LPAR3: variants seen among roughly 807,000 people sequenced by gnomAD.
The protein encoded by LPAR3 is LPA receptor 3.
Under a neutral mutation model 17.8 loss-of-function variants are expected in LPAR3, and 7 were observed. The observed-to-expected ratio is 0.39, with a 90% CI of 0.22 to 0.74. The LOEUF (loss-of-function observed/expected upper bound fraction) is 0.74. LPAR3 is among the 30% of genes least tolerant of loss of function. The pLI, the probability that LPAR3 is intolerant of heterozygous loss-of-function variation, is 0.40. For synonymous variants in LPAR3, 179 were observed against 179.9 expected (o/e 0.99, Z 0.04); for missense variants, 391 against 453.4 (o/e 0.86, Z 1.25).
chr1:84,887,307 G>T (rs957109689), intron 1 of LPAR3, among the ~76,000 whole-genome samples: 6 of 151,910 alleles, frequency 3.9e-5, no homozygotes, highest in Non-Finnish European at 7.4e-5. Flanking sequence ...AGCCCAGGAG[G>T]TTGGGGCTGC....
intron 2 of LPAR3, among the ~76,000 whole-genome samples, chr1:84,839,934 C>T (rs1410611257): frequency 6.6e-6 from 1 of 152,042 alleles, no homozygotes; most frequent in Non-Finnish European, 1.5e-5. Context: ...TAAGTGCTTG[C>T]TTCTATTTTT....
chr1:84,836,193 C>T, intron 2 of LPAR3, among the ~76,000 whole-genome samples: 1 of 151,380 alleles, frequency 6.6e-6, no homozygotes, highest in East Asian at 1.9e-4. Flanking sequence ...TAAAAATTGG[C>T]TGGGCATGGT....
chr1:84,846,250 A>G (rs1659593566), intron 2 of LPAR3, among the ~76,000 whole-genome samples: 1 of 152,254 alleles, frequency 6.6e-6, no homozygotes, highest in Non-Finnish European at 1.5e-5. Context: ...GTAGAGAACT[A>G]CGAATCACAT....
At chr1:84,860,349 T>C (rs1041334218) in intron 2 of LPAR3, among the ~76,000 whole-genome samples, 1 of 152,176 alleles carries the variant, frequency 6.6e-6, no homozygotes, top group Non-Finnish European at 1.5e-5. Flanking sequence ...CAACTAAACT[T>C]TGCTGGTTCA....
At chr1:84,853,103 A>T (rs1659750907) in intron 2 of LPAR3, among the ~76,000 whole-genome samples, 1 of 10,566 alleles carries the variant, frequency 9.5e-5, no homozygotes, top group Admixed American at 1.4e-3. Context: ...ATAAGAAAAG[A>T]AAAGAAAAAA....
At chr1:84,872,755 G>A (rs1411406543) in intron 1 of LPAR3, among the ~76,000 whole-genome samples, 1 of 152,154 alleles carries the variant, frequency 6.6e-6, no homozygotes, top group Non-Finnish European at 1.5e-5. Context: ...CTTCCAAAGA[G>A]CACAATATGG....
At position 84,865,967 on chromosome 1, in the gene LPAR3, T is replaced by C. The variant is rs1190270766; in HGVS notation, c.154A>G (p.Ile52Val). The C allele has an allele frequency of 6.2e-7, 1 of 1,614,092 alleles. No individual in the cohort carries two copies. The highest frequency in any genetic ancestry group is 8.5e-7 in the Non-Finnish European group (1 of 1,180,018). The change falls in exon 2 of 3, where the codon ATC becomes GTC. Residue 52 changes from isoleucine to valine, a missense_variant. Transcript: ENST00000370611. ...LFIFFSNSLV[I>V]AAVIKNRKFH... ...TTTCTGTTTTTGATCACTGCCGCGATGACCAGAGAATTAGAAAAAAAAATA... is the reference window on the plus strand; with the variant it reads ...TTTCTGTTTTTGATCACTGCCGCGACGACCAGAGAATTAGAAAAAAAAATA...
At chr1:84,817,928 T>G (rs1557588286) in intron 2 of LPAR3, among the ~76,000 whole-genome samples, 1 of 152,186 alleles carries the variant, frequency 6.6e-6, no homozygotes, top group Non-Finnish European at 1.5e-5. Context: ...CTCCTACTCC[T>G]CCTTCACTCT....
intron 2 of LPAR3, among the ~76,000 whole-genome samples, chr1:84,818,940 T>C (rs1232273462): frequency 6.6e-6 from 1 of 152,214 alleles, no homozygotes; most frequent in Non-Finnish European, 1.5e-5. Context: ...TTCGCTTTTT[T>C]CCCCCTCTCT....
Position 84,814,191 on chromosome 1 carries a change from G to T in LPAR3, c.737-20C>A. Reference sequence around the variant, plus strand: ...ACGCCCCTGCAAGGAGAGAAGAGGAGGCAACAGATGCTCAGACCTTAGGGG... The same window carrying T: ...ACGCCCCTGCAAGGAGAGAAGAGGATGCAACAGATGCTCAGACCTTAGGGG... On this transcript the variant is annotated intron_variant, in intron 2 of 2. Coordinates refer to ENST00000370611, the MANE Select transcript of LPAR3 (RefSeq NM_012152.3). 3 of 1,601,660 alleles carry T rather than the reference G, an allele frequency of 1.9e-6. No homozygotes were observed. Among genetic ancestry groups the T allele is most frequent in the Non-Finnish European group, 2.6e-6 (3 of 1,170,864 alleles).
chr1:84,836,879 G>A (rs1047106626), intron 2 of LPAR3, among the ~76,000 whole-genome samples: 4 of 151,974 alleles, frequency 2.6e-5, no homozygotes, highest in African/African-American at 7.3e-5. Context: ...ACATTGAATT[G>A]TACACATTTA....
intron 2 of LPAR3, among the ~76,000 whole-genome samples, chr1:84,856,643 C>T (rs1331591581): frequency 1.3e-5 from 2 of 152,130 alleles, no homozygotes; most frequent in Admixed American, 1.3e-4. Flanking sequence ...GGTCCCAACT[C>T]TTTTCAGTCA....
intron 1 of LPAR3, among the ~76,000 whole-genome samples, chr1:84,889,781 G>T (rs990468275): frequency 6.6e-5 from 10 of 152,124 alleles, no homozygotes; most frequent in Admixed American, 5.9e-4. Flanking sequence ...GGCCTGCCTG[G>T]GGTGGCCCAC....
intron 1 of LPAR3, among the ~76,000 whole-genome samples, chr1:84,889,711 CT>C (rs1023156535): frequency 6.6e-6 from 1 of 152,196 alleles, no homozygotes; most frequent in Admixed American, 6.5e-5. Context: ...GCAGTGCCCC[CT>C]TAGCACTCAA....
At chr1:84,853,130 CAA>C (rs1659752694) in intron 2 of LPAR3, among the ~76,000 whole-genome samples, 1 of 146,644 alleles carries the variant, frequency 6.8e-6, no homozygotes, top group African/African-American at 2.5e-5. Context: ...AAACCAAGAA[CAA>C]AAGTCTGGTA....
chr1:84,844,642 T>C (rs961505976), intron 2 of LPAR3, among the ~76,000 whole-genome samples: 1 of 152,228 alleles, frequency 6.6e-6, no homozygotes, highest in Non-Finnish European at 1.5e-5. Flanking sequence ...TGTAATACAA[T>C]GTAGCCTTAT....
intron 1 of LPAR3, among the ~76,000 whole-genome samples, chr1:84,878,424 T>G (rs1285791069): frequency 6.6e-6 from 1 of 152,150 alleles, no homozygotes; most frequent in Non-Finnish European, 1.5e-5. Flanking sequence ...CTTTTCCCTT[T>G]AAATTCTCTT....
chr1:84,857,565 T>G (rs985098117), intron 2 of LPAR3, among the ~76,000 whole-genome samples: 2 of 152,230 alleles, frequency 1.3e-5, no homozygotes, highest in Admixed American at 1.3e-4. Flanking sequence ...GATGTTTTCA[T>G]AGCTGTCACT....
intron 2 of LPAR3, among the ~76,000 whole-genome samples, chr1:84,822,275 T>C (rs1659073382): frequency 6.6e-6 from 1 of 152,154 alleles, no homozygotes; most frequent in African/African-American, 2.4e-5. Flanking sequence ...AATTAGACTA[T>C]AAATAAGCTT....
Sources: gnomAD v4.1 joint callset for allele counts (sites outside exome capture counted in the v4.1 genomes callset) on GRCh38, gnomAD v4.1.1 for gene constraint, MANE v1.5 for transcripts, NCBI Gene and HGNC (gene_info 2026-07-23, HGNC 2026-07-21) for gene names.